Variants in DISC1 observed in about 807,000 individuals in gnomAD.
DISC1 encodes the protein DISC1 scaffold protein, also known as disrupted in schizophrenia 1 protein.
DISC1 carries 57 observed loss-of-function variants against 84.5 expected under a neutral mutation model. The ratio of observed to expected loss-of-function variants is 0.67; its 90% CI spans 0.55 to 0.84. DISC1 has a LOEUF of 0.84. Among genes scored for constraint, DISC1 ranks in the 40% least tolerant of loss-of-function variants. The pLI, the probability that DISC1 is intolerant of heterozygous loss-of-function variation, is 0.00. For synonymous variants in DISC1, 411 were observed against 415.2 expected (o/e 0.99, Z 0.12); for missense variants, 1,000 against 1,057.8 (o/e 0.95, Z 0.76).
Position 232,031,813 on chromosome 1 carries a change from G to C in DISC1, c.2426-4879G>C, listed in dbSNP as rs1670081194. Reference sequence around the variant, plus strand: ...TTGAATCAATCTTGGGTATAGTCAAGGTTTTCCTCTTTGCTCTTGAAAGAC... The same window carrying C: ...TTGAATCAATCTTGGGTATAGTCAACGTTTTCCTCTTTGCTCTTGAAAGAC... On this transcript the variant is annotated intron_variant, in intron 12 of 12. Transcript: ENST00000439617. This position sits in a 1 kb window ranked among gnomAD's most constrained non-coding sequence, Gnocchi z 4.6. Among the ~76,000 whole-genome samples, 1 of 152,130 alleles carries C rather than the reference G, an allele frequency of 6.6e-6. No homozygotes were observed. Among genetic ancestry groups the C allele is most frequent in the Non-Finnish European group, 1.5e-5 (1 of 68,032 alleles).
intron 10 of DISC1, among the ~76,000 whole-genome samples, chr1:231,969,598 C>CTTT (rs59866510): frequency 7.9e-6 from 1 of 126,332 alleles, no homozygotes; most frequent in African/African-American, 3.1e-5. Context: ...TTCTTTCTTT[C>CTTT]TTTTTTTTTT....
intron 6 of DISC1, among the ~76,000 whole-genome samples, chr1:231,784,654 G>C (rs2077693380): frequency 6.6e-6 from 1 of 152,152 alleles, no homozygotes; most frequent in Non-Finnish European, 1.5e-5. Context: ...TTATGAAATG[G>C]TCTTTCTATA....
At chr1:231,785,996 T>C (rs900381437) in intron 6 of DISC1, among the ~76,000 whole-genome samples, 2 of 152,222 alleles carry the variant, frequency 1.3e-5, no homozygotes, top group Non-Finnish European at 2.9e-5. Context: ...TTCTAATATC[T>C]AATATATCTC....
intron 9 of DISC1, among the ~76,000 whole-genome samples, chr1:231,903,005 C>T (rs557498116): frequency 6.6e-6 from 1 of 152,020 alleles, no homozygotes; most frequent in South Asian, 2.1e-4. Context: ...TGTATCTCTT[C>T]TTCTTCTCCT....
intron 9 of DISC1, among the ~76,000 whole-genome samples, chr1:231,894,152 G>A (rs904851504): frequency 6.6e-6 from 1 of 152,128 alleles, no homozygotes; most frequent in Admixed American, 6.5e-5. Context: ...CTTTAAAATG[G>A]TCCCAGAGTA....
chr1:231,885,193 T>A (rs1221139653), intron 9 of DISC1, among the ~76,000 whole-genome samples: 3 of 152,102 alleles, frequency 2.0e-5, no homozygotes, highest in Admixed American at 1.3e-4. Context: ...TCCTGAAACA[T>A]ACGAAAAAAT....
chr1:231,832,598 T>C (rs61835448), intron 9 of DISC1, among the ~76,000 whole-genome samples: 92,791 of 148,530 alleles, frequency 0.62, 29,409 homozygotes, highest in Middle Eastern at 0.66. Flanking sequence ...CCCAGGTAAT[T>C]TGCTGAGCCT....
At position 231,882,032 on chromosome 1, in the gene DISC1, C is replaced by A. The variant is rs192558082; in HGVS notation, c.1981+63515C>A. On this transcript the variant is annotated intron_variant, in intron 9 of 12. Coordinates refer to ENST00000439617, the MANE Select transcript of DISC1 (RefSeq NM_018662.3). Reference sequence around the variant, plus strand: ...TCTGCGCCCAGGCTTGCCAGCCCATCTCCACTCCTCCCTGCTGTGGGCCCA... The same window carrying A: ...TCTGCGCCCAGGCTTGCCAGCCCATATCCACTCCTCCCTGCTGTGGGCCCA... Among the ~76,000 whole-genome samples, 33 of 152,342 alleles carry A rather than the reference C, an allele frequency of 2.2e-4. No individual in the cohort carries two copies. The East Asian group carries it at 5.8e-3, about 27-fold the overall frequency.
intron 1 of DISC1, among the ~76,000 whole-genome samples, chr1:231,656,727 A>G (rs2061123793): frequency 6.6e-6 from 1 of 152,194 alleles, no homozygotes; most frequent in Admixed American, 6.5e-5. Context: ...TCATCCTATC[A>G]ACTAGGTATT....
intron 9 of DISC1, among the ~76,000 whole-genome samples, chr1:231,856,102 A>G (rs537118336): frequency 6.6e-6 from 1 of 152,330 alleles, no homozygotes; most frequent in African/African-American, 2.4e-5. Context: ...GAGCCTAAAC[A>G]GCTCATTAGT....
At chr1:232,007,323 G>A (rs821610) in intron 10 of DISC1, among the ~76,000 whole-genome samples, 43,007 of 152,046 alleles carry the variant, frequency 0.28, 6,355 homozygotes, top group African/African-American at 0.33. Context: ...CAGACACTCA[G>A]TGCTAGCCCG....
intron 3 of DISC1, among the ~76,000 whole-genome samples, chr1:231,747,448 G>A (rs918845627): frequency 1.3e-5 from 2 of 152,084 alleles, no homozygotes; most frequent in African/African-American, 4.8e-5. Context: ...TGAGAGACAG[G>A]GGTCTACTTT....
chr1:231,772,899 A>G (rs1343511321), intron 6 of DISC1, among the ~76,000 whole-genome samples: 1 of 152,102 alleles, frequency 6.6e-6, no homozygotes, highest in Non-Finnish European at 1.5e-5. Flanking sequence ...ATGCCCATGG[A>G]GAGGGGGAAG....
At chr1:231,852,579 G>A (rs1433283947) in intron 9 of DISC1, among the ~76,000 whole-genome samples, 3 of 152,208 alleles carry the variant, frequency 2.0e-5, no homozygotes, top group East Asian at 1.9e-4. Flanking sequence ...GGGCACATGC[G>A]CACCTGGTCT....
At chr1:231,773,099 G>GTTGT (rs2076679674) in intron 6 of DISC1, among the ~76,000 whole-genome samples, 4 of 152,188 alleles carry the variant, frequency 2.6e-5, no homozygotes. Flanking sequence ...TAGCTAGTAA[G>GTTGT]AGACCATCTT....
At chr1:231,704,963 A>C (rs1387712697) in intron 3 of DISC1, among the ~76,000 whole-genome samples, 1 of 152,048 alleles carries the variant, frequency 6.6e-6, no homozygotes. Context: ...TCTGCATCTC[A>C]AGGAGTATGC....
chr1:231,973,803 C>T (rs1464239926), intron 10 of DISC1, among the ~76,000 whole-genome samples: 3 of 152,080 alleles, frequency 2.0e-5, no homozygotes, highest in South Asian at 2.1e-4. Flanking sequence ...AATAAATAGT[C>T]GTATTAATAG....
chr1:231,768,178 G>C (rs2076297903), intron 5 of DISC1, among the ~76,000 whole-genome samples: 2 of 152,314 alleles, frequency 1.3e-5, no homozygotes, highest in South Asian at 4.1e-4. Flanking sequence ...ATGCCTGCTT[G>C]AGCCTGGAGC....
At chr1:231,947,424 A>T (rs1402792869) in intron 9 of DISC1, among the ~76,000 whole-genome samples, 1 of 152,218 alleles carries the variant, frequency 6.6e-6, no homozygotes, top group East Asian at 1.9e-4. Context: ...CTGAAACTGG[A>T]CCCCTTCCTT....
Sources: allele counts gnomAD v4.1 joint callset (sites outside exome capture counted in the v4.1 genomes callset), GRCh38; gene constraint gnomAD v4.1.1; non-coding constraint Gnocchi (gnomAD v3.1); transcripts MANE v1.5; gene names NCBI Gene and HGNC (gene_info 2026-07-23, HGNC 2026-07-21).